The following ATP9B variants were observed in gnomAD, a reference collection of about 807,000 sequenced individuals.
The protein encoded by ATP9B is ATPase phospholipid transporting 9B.
ATP9B carries 110 observed loss-of-function variants against 146.1 expected under a neutral mutation model. That is an observed-to-expected ratio of 0.75 (90% CI 0.65 to 0.88). ATP9B has a LOEUF of 0.88. ATP9B is among the 40% of genes least tolerant of loss of function. ATP9B has a pLI of 0.00. For missense variants in ATP9B, 1,499 were observed against 1,496.4 expected (o/e 1.00, Z -0.03); for synonymous variants, 604 against 569.7 (o/e 1.06, Z -0.86).
chr18:79,172,589 C>T (rs951467880), intron 7 of ATP9B, among the ~76,000 whole-genome samples: 2 of 150,350 alleles, frequency 1.3e-5, no homozygotes, highest in African/African-American at 4.9e-5. Flanking sequence ...GCCGACCTTG[C>T]GATCCGCCTT....
At chr18:79,292,875 A>C (rs1231895890) in intron 13 of ATP9B, among the ~76,000 whole-genome samples, 1 of 152,076 alleles carries the variant, frequency 6.6e-6, no homozygotes, top group African/African-American at 2.4e-5. Context: ...CTCGTGCCTC[A>C]GCACCCAAAA....
At chr18:79,301,991 C>G (rs1046874017) in intron 13 of ATP9B, among the ~76,000 whole-genome samples, 4 of 152,300 alleles carry the variant, frequency 2.6e-5, no homozygotes, top group Middle Eastern at 3.4e-3. Flanking sequence ...ACTTTGTGCT[C>G]TAATCCTCAC....
chr18:79,110,532 G>A (rs753664020), intron 3 of ATP9B, 27 bp downstream of exon 3: 1 of 1,583,852 alleles, frequency 6.3e-7, no homozygotes, highest in Non-Finnish European at 8.6e-7. Flanking sequence ...CTTGGAGATG[G>A]GTTGTGTGTC....
chr18:79,169,629 T>G (rs1362848276), intron 7 of ATP9B, among the ~76,000 whole-genome samples: 3 of 152,256 alleles, frequency 2.0e-5, no homozygotes, highest in Non-Finnish European at 4.4e-5. Flanking sequence ...ATTATTTAGT[T>G]ATACATTTGT....
chr18:79,260,321 G>A (rs1010329798), intron 12 of ATP9B, among the ~76,000 whole-genome samples: 1 of 152,128 alleles, frequency 6.6e-6, no homozygotes, highest in Non-Finnish European at 1.5e-5. Flanking sequence ...CCATCAGAAC[G>A]CATGAGAACT....
At chr18:79,258,443 A>G (rs1320737120) in intron 12 of ATP9B, among the ~76,000 whole-genome samples, 4 of 152,106 alleles carry the variant, frequency 2.6e-5, no homozygotes, top group African/African-American at 9.7e-5. Flanking sequence ...AGAAAAAATA[A>G]TAATAATAAG....
intron 26 of ATP9B, 191 bp downstream of exon 26, chr18:79,359,653 G>T: frequency 1.8e-6 from 1 of 567,358 alleles, no homozygotes; most frequent in South Asian, 2.1e-5. Context: ...TTCAAAAGGG[G>T]AAAAACATCT....
intron 14 of ATP9B, among the ~76,000 whole-genome samples, chr18:79,304,046 C>G (rs1212923555): frequency 6.6e-6 from 1 of 151,978 alleles, no homozygotes; most frequent in Non-Finnish European, 1.5e-5. Context: ...TCTAACAGTT[C>G]TGTTTTTCTC....
intron 11 of ATP9B, among the ~76,000 whole-genome samples, chr18:79,250,006 T>C (rs995789894): frequency 6.6e-6 from 1 of 152,202 alleles, no homozygotes; most frequent in Admixed American, 6.5e-5. Flanking sequence ...TTTATTGCTC[T>C]TAAGTTTAAA....
chr18:79,076,971 T>C (rs1478467189), intron 1 of ATP9B, among the ~76,000 whole-genome samples: 1 of 152,248 alleles, frequency 6.6e-6, no homozygotes, highest in African/African-American at 2.4e-5. Context: ...AGTTGATTCT[T>C]CCTCATACTA....
chr18:79,246,318 A>AGGGCACCGCCCTACTGTCTGTGC (rs2095961485), intron 11 of ATP9B, among the ~76,000 whole-genome samples: 1 of 99,046 alleles, frequency 1.0e-5, no homozygotes, highest in Non-Finnish European at 2.0e-5. Context: ...CTACTGACTG[A>AGGGCACCGCCCTACTGTCTGTGC]GGAGGGCACC....
intron 8 of ATP9B, among the ~76,000 whole-genome samples, chr18:79,181,569 T>C (rs1264966950): frequency 6.6e-6 from 1 of 152,192 alleles, no homozygotes; most frequent in Non-Finnish European, 1.5e-5. Context: ...CCACATGCCA[T>C]TGATGCTCTC....
At chr18:79,348,330 T>G in intron 25 of ATP9B, 134 bp downstream of exon 25, 2 of 841,330 alleles carry the variant, frequency 2.4e-6, no homozygotes, top group Non-Finnish European at 3.7e-6. Context: ...AATACTGATG[T>G]AAAAACAACA....
At chr18:79,110,218 C>T in intron 2 of ATP9B, 137 bp from the exon 3 acceptor site, 2 of 783,022 alleles carry the variant, frequency 2.6e-6, no homozygotes, top group Non-Finnish European at 3.6e-6. Flanking sequence ...AAAAACCCCA[C>T]AAATTAGCAT....
At chr18:79,124,531 G>C (rs1427808567) in intron 4 of ATP9B, among the ~76,000 whole-genome samples, 2 of 152,182 alleles carry the variant, frequency 1.3e-5, no homozygotes. Context: ...CTTTTTCCTT[G>C]AGTCCAAGAG....
intron 11 of ATP9B, among the ~76,000 whole-genome samples, chr18:79,234,334 C>T (rs961125224): frequency 6.6e-6 from 1 of 152,182 alleles, no homozygotes; most frequent in African/African-American, 2.4e-5. Context: ...TTCCTCTCAC[C>T]GTTGACCTTT....
intron 12 of ATP9B, among the ~76,000 whole-genome samples, chr18:79,256,044 T>C (rs957683213): frequency 2.0e-5 from 3 of 152,052 alleles, no homozygotes; most frequent in Admixed American, 1.3e-4. Flanking sequence ...TTTATAAATA[T>C]TCCATGTGTG....
rs1229695680 is a variant in ATP9B at position 79,332,353 on chromosome 18, C to T, written c.2028+2249C>T. On this transcript the variant is annotated intron_variant, in intron 17 of 29. Coordinates refer to ENST00000426216, the MANE Select transcript of ATP9B (RefSeq NM_198531.5). ...CTGAGGCAGGAGAATGGCGTGAACC[C>T]GGGAGGCAGAGCTTGCAGTGAGCCA... 4.6e-5 allele frequency among the ~76,000 whole-genome samples: 7 copies of T among 152,260 alleles called. No homozygotes were observed. The South Asian group carries it at 6.2e-4, about 14-fold the overall frequency.
At chr18:79,077,775 A>G (rs778971157) in intron 1 of ATP9B, among the ~76,000 whole-genome samples, 4 of 152,224 alleles carry the variant, frequency 2.6e-5, no homozygotes, top group Non-Finnish European at 5.9e-5. Flanking sequence ...AGTCCTCTCT[A>G]CTTTACCCTG....
Sources: gnomAD v4.1 joint callset for allele counts (sites outside exome capture counted in the v4.1 genomes callset) on GRCh38, gnomAD v4.1.1 for gene constraint, MANE v1.5 for transcripts, NCBI Gene and HGNC (gene_info 2026-07-23, HGNC 2026-07-21) for gene names.